The following ABCA5 variants were observed in gnomAD, a reference collection of about 807,000 sequenced individuals.
The protein encoded by ABCA5 is ATP binding cassette subfamily A member 5, also known as cholesterol transporter ABCA5.
Under a neutral mutation model 206.0 loss-of-function variants are expected in ABCA5, and 163 were observed. The ratio of observed to expected loss-of-function variants is 0.79; its 90% CI spans 0.70 to 0.90. The LOEUF (loss-of-function observed/expected upper bound fraction) is 0.90, where lower values mean the gene tolerates loss of function less well. ABCA5 is among the 40% of genes least tolerant of loss of function. The pLI, the probability that ABCA5 is intolerant of heterozygous loss-of-function variation, is 0.00. For synonymous variants in ABCA5, 609 were observed against 613.8 expected, an observed-to-expected ratio of 0.99 and a Z score of 0.11; for missense variants, 1,859 against 1,912.9, an observed-to-expected ratio of 0.97 and a Z score of 0.53.
chr17:69,259,715 G>C lies in ABCA5; in HGVS notation c.3722C>G (p.Pro1241Arg). 3 of 1,598,320 alleles carry C rather than the reference G, an allele frequency of 1.9e-6. No homozygotes were observed. Among genetic ancestry groups the C allele is most frequent in the Non-Finnish European group, 2.6e-6 (3 of 1,168,652 alleles). Residue 1241 changes from proline to arginine, a missense_variant, in exon 28 of 39, where the codon CCC becomes CGC. Physicochemically the swap from Pro to Arg is moderately radical, Grantham distance 103. Transcript: ENST00000392676. ...TAAAAAATCAACTGACCTGAAAAAG[G>C]GATCTTTTCTTATTGATCTGCCTCC... Reference protein sequence around the residue: ...KYGGRSIRKDPFFRNLSTKSK... With the variant: ...KYGGRSIRKDRFFRNLSTKSK...
intron 11 of ABCA5, 134 bp downstream of exon 11, chr17:69,294,521 C>A: frequency 2.4e-6 from 2 of 843,286 alleles, no homozygotes; most frequent in Non-Finnish European, 3.6e-6. Flanking sequence ...GACTCCATCT[C>A]AAAAAAAATA....
chr17:69,248,695 AC>A (rs1472121216), intron 37 of ABCA5: 1 of 166,220 alleles, frequency 6.0e-6, no homozygotes, highest in East Asian at 1.7e-4. Context: ...ATCTCCATAA[AC>A]CTTTTGTTTT....
intron 28 of ABCA5, 75 bp from the exon 29 acceptor site, chr17:69,256,358 T>G: frequency 1.0e-6 from 1 of 971,220 alleles, no homozygotes; most frequent in Non-Finnish European, 1.4e-6. Flanking sequence ...AGATACTAGG[T>G]AGAGAAAAGA....
At chr17:69,289,089 T>C (rs897327017) in intron 14 of ABCA5, 88 bp downstream of exon 14, 1 of 1,307,496 alleles carries the variant, frequency 7.6e-7, no homozygotes, top group Non-Finnish European at 1.0e-6. Flanking sequence ...ACTTAACCTT[T>C]ACATAATGTA....
At chr17:69,301,893 T>C (rs1428637095) in intron 8 of ABCA5, among the ~76,000 whole-genome samples, 2 of 152,086 alleles carry the variant, frequency 1.3e-5, no homozygotes, top group Non-Finnish European at 2.9e-5. Flanking sequence ...AGAAGATAAA[T>C]TCAATGACAC....
At position 69,247,487 on chromosome 17, in the gene ABCA5, A is replaced by G; in HGVS notation, c.*50T>C. The G allele has an allele frequency of 7.6e-7, 1 of 1,316,178 alleles. No homozygotes were observed. Among genetic ancestry groups the G allele is most frequent in the Non-Finnish European group, 1.1e-6 (1 of 951,772 alleles). 81.5% of individuals were successfully genotyped at this position (1,316,178 alleles called of 1,614,324 possible). On this transcript the variant is annotated 3_prime_UTR_variant, in exon 39 of 39. Transcript: ENST00000392676. The stretch of plus-strand genomic sequence containing the variant: ...AAAAACTTTTTAAACCAAAGTTAAA[A>G]TTAAGTGAAAAAGAAAGAAGTCCCA...
chr17:69,247,494 G>T lies in ABCA5; in HGVS notation c.*43C>A. The T allele has an allele frequency of 7.4e-7, 1 of 1,345,060 alleles. No homozygotes were observed. The highest frequency in any genetic ancestry group is 2.5e-5 in the Admixed American group (1 of 40,168). The allele number at this position is 1,345,060 out of a possible 1,614,324, so 83.3% of individuals were successfully genotyped here. On this transcript the variant is annotated 3_prime_UTR_variant, in exon 39 of 39. Transcript: ENST00000392676. ...TTTTAAACCAAAGTTAAAATTAAGT[G>T]AAAAAGAAAGAAGTCCCAGTAAGCA...
rs1263059248 is a variant in ABCA5, at chr17:69,302,814, A to G, written c.1023T>C (p.Ile341=). 2 of 1,599,644 alleles carry G rather than the reference A, an allele frequency of 1.3e-6. No individual in the cohort carries two copies. The highest frequency in any genetic ancestry group is 1.7e-6 in the Non-Finnish European group (2 of 1,175,980). Residue 341 remains isoleucine, a synonymous_variant, in exon 8 of 39, where the codon ATT becomes ATC. Transcript: ENST00000392676. ...EFFVTVAFGF[I]GLMIILIESF... ...TTTCTATGAGGATTATCATAAGGCC[A>G]ATAAATCCAAAAGCCACAGTAACAA... is the stretch of plus-strand genomic sequence containing the variant.
At chr17:69,280,169 A>G (rs1490845829) in intron 18 of ABCA5, among the ~76,000 whole-genome samples, 3 of 152,014 alleles carry the variant, frequency 2.0e-5, no homozygotes, top group Non-Finnish European at 2.9e-5. Flanking sequence ...TCTACAATGA[A>G]CTCAAACAAA....
intron 1 of ABCA5, chr17:69,325,959 A>C (rs1198109614): frequency 2.0e-5 from 3 of 152,248 alleles, no homozygotes; most frequent in Non-Finnish European, 4.4e-5. Context: ...ACGCCTCTTT[A>C]GTTTGATTTT....
intron 22 of ABCA5, among the ~76,000 whole-genome samples, chr17:69,270,204 G>A (rs1444093471): frequency 1.3e-5 from 2 of 151,900 alleles, no homozygotes; most frequent in Admixed American, 6.6e-5. Context: ...AAATATGTTG[G>A]ATACTTTTCT....
chr17:69,248,264 G>A lies in ABCA5; in HGVS notation c.4819C>T (p.Gln1607Ter). The A allele has an allele frequency of 6.5e-7, 1 of 1,542,122 alleles. No homozygotes were observed. Among genetic ancestry groups the A allele is most frequent in the South Asian group, 1.2e-5 (1 of 85,324 alleles). Residue 1607 changes from glutamine to a stop codon, truncating the protein, a stop_gained and splice_region_variant, in exon 38 of 39, where the codon CAG becomes TAG. Transcript: ENST00000392676. LOFTEE classifies it high-confidence loss of function. ...TTAAAAATTTAACTTTATAGTACCT[G>A]TTCCAATGTTGCTTGAGAAAAGCTA... ...EYSFSQATLE[Q>*]VFVELTKEQE...
intron 4 of ABCA5, among the ~76,000 whole-genome samples, chr17:69,308,897 A>G (rs551209289): frequency 2.7e-4 from 41 of 152,212 alleles, no homozygotes; most frequent in Admixed American, 6.5e-4. Context: ...AAAACTAATC[A>G]AGTTCACTAG....
rs966260836 is a variant in ABCA5 at position 69,246,437 on chromosome 17, C to G, written c.*1100G>C. ...GAAGTATTTCTAAGAAAATATTAGCCATGCCTTTAACTCTATCAAAAATGA... is the reference window on the plus strand; with the variant it reads ...GAAGTATTTCTAAGAAAATATTAGCGATGCCTTTAACTCTATCAAAAATGA... On this transcript the variant is annotated 3_prime_UTR_variant, in exon 39 of 39. Coordinates refer to ENST00000392676, the MANE Select transcript of ABCA5 (RefSeq NM_172232.4). 6.6e-6 allele frequency: 1 copy of G among 151,968 alleles called. No homozygotes were observed. The highest frequency in any genetic ancestry group is 2.4e-5 in the African/African-American group (1 of 41,510). The allele number at this position is 151,968 out of a possible 1,614,324, so 9.4% of individuals were successfully genotyped here.
intron 1 of ABCA5, among the ~76,000 whole-genome samples, chr17:69,319,681 C>A (rs1245139544): frequency 3.3e-5 from 5 of 152,216 alleles, no homozygotes; most frequent in Non-Finnish European, 7.3e-5. Context: ...TCTAAGCTTT[C>A]TTCTAATGTA....
intron 26 of ABCA5, among the ~76,000 whole-genome samples, chr17:69,260,749 A>G (rs1416746491): frequency 6.6e-6 from 1 of 151,914 alleles, no homozygotes; most frequent in Non-Finnish European, 1.5e-5. Flanking sequence ...AATAAAATCA[A>G]TCTGGTTTTT....
chr17:69,309,074 T>A (rs920973264), intron 4 of ABCA5, among the ~76,000 whole-genome samples, 188 bp downstream of exon 4: 2 of 152,098 alleles, frequency 1.3e-5, no homozygotes, highest in Non-Finnish European at 2.9e-5. Context: ...ATAAAAATGT[T>A]TTATGTGTAG....
rs1309770195 is a variant in ABCA5 at position 69,259,627 on chromosome 17, CA to C, written c.3731+78del. 6 of 998,130 alleles carry C rather than the reference CA, an allele frequency of 6.0e-6. No homozygotes were observed. The Admixed American group carries it at 1.6e-4, about 27-fold the overall frequency. The allele number at this position is 998,130 out of a possible 1,614,324, so 61.8% of individuals were successfully genotyped here. On this transcript the variant is annotated intron_variant, in intron 28 of 38. Transcript: ENST00000392676. Reference sequence around the variant, plus strand: ...TCTTTTTGGAGTGCTGGAAATGTTCCAAAATTATGTTATGGTAATGGTTACA... The same window carrying C: ...TCTTTTTGGAGTGCTGGAAATGTTCCAAATTATGTTATGGTAATGGTTACA...
At chr17:69,266,699 G>C (rs1395970935) in intron 23 of ABCA5, among the ~76,000 whole-genome samples, 2 of 148,820 alleles carry the variant, frequency 1.3e-5, no homozygotes, top group Non-Finnish European at 3.0e-5. Context: ...TTATTATTGT[G>C]CAGTGGGTTA....
Sources: gnomAD v4.1 joint callset for allele counts (sites outside exome capture counted in the v4.1 genomes callset) on GRCh38, gnomAD v4.1.1 for gene constraint, MANE v1.5 for transcripts, NCBI Gene and HGNC (gene_info 2026-07-23, HGNC 2026-07-21) for gene names.